OSBPL9: variants seen among roughly 807,000 people sequenced by gnomAD.
The protein encoded by OSBPL9 is oxysterol-binding protein-related protein 9.
Under a neutral mutation model 106.6 loss-of-function variants are expected in OSBPL9, and 40 were observed. That is an observed-to-expected ratio of 0.38 (90% CI 0.29 to 0.49). OSBPL9 has a LOEUF of 0.49. Among genes scored for constraint, OSBPL9 ranks in the 20% least tolerant of loss-of-function variants. The pLI is 0.97. For missense variants in OSBPL9, 609 were observed against 887.2 expected (o/e 0.69, Z 3.98); for synonymous variants, 269 against 295.4 (o/e 0.91, Z 0.92).
rs978573284 is a variant in OSBPL9 at position 51,754,395 on chromosome 1, C to T, written c.544-1925C>T. On this transcript the variant is annotated intron_variant, in intron 8 of 23. Coordinates refer to ENST00000428468, the MANE Select transcript of OSBPL9 (RefSeq NM_024586.6). ...CATGCGGTAAAACAGTATTTCAATA[C>T]AATTAAAATCAGGCACTTTAAATGG... Among the ~76,000 whole-genome samples the T allele has an allele frequency of 3.9e-5, 6 of 152,294 alleles. 1 individual carries two copies. The South Asian group carries it at 1.2e-3, about 32-fold the overall frequency.
intron 3 of OSBPL9, among the ~76,000 whole-genome samples, chr1:51,670,649 A>T (rs78076187): frequency 0.012 from 1,818 of 152,264 alleles, 38 homozygotes; most frequent in African/African-American, 0.042. Context: ...CTTCCACATA[A>T]CCTTAAAATA....
intron 4 of OSBPL9, among the ~76,000 whole-genome samples, chr1:51,731,678 G>A (rs1209761555): frequency 6.6e-6 from 1 of 151,684 alleles, no homozygotes; most frequent in Non-Finnish European, 1.5e-5. Flanking sequence ...TCGGGAGGCT[G>A]AGGCAGGAGA....
chr1:51,568,334 A>AAATTGTG, the OSBPL9 span, among the ~76,000 whole-genome samples: 1 of 152,198 alleles, frequency 6.6e-6, no homozygotes, highest in African/African-American at 2.4e-5. Context: ...TTAGCTGGGA[A>AAATTGTG]AATTGTGGCT....
the OSBPL9 span, among the ~76,000 whole-genome samples, chr1:51,554,431 G>A: frequency 6.6e-6 from 1 of 152,160 alleles, no homozygotes; most frequent in East Asian, 1.9e-4. Context: ...ACTCAAAATG[G>A]AAGGCAAAAC....
chr1:51,547,001 C>T, the OSBPL9 span, among the ~76,000 whole-genome samples: 1 of 152,202 alleles, frequency 6.6e-6, no homozygotes, highest in South Asian at 2.1e-4. Flanking sequence ...AATTAGAATG[C>T]TTGATAATGC....
chr1:51,685,125 A>C (rs1252344866), intron 3 of OSBPL9, among the ~76,000 whole-genome samples: 1 of 152,128 alleles, frequency 6.6e-6, no homozygotes, highest in Non-Finnish European at 1.5e-5. Context: ...TTCTAAAGAA[A>C]TATTTGAGTG....
At chr1:51,581,332 A>G (rs957872751) in intron 1 of OSBPL9, among the ~76,000 whole-genome samples, 2 of 152,166 alleles carry the variant, frequency 1.3e-5, no homozygotes, top group Non-Finnish European at 2.9e-5. Context: ...TCATCCCATC[A>G]TATTAATGGT....
the OSBPL9 span, among the ~76,000 whole-genome samples, chr1:51,547,711 G>A: frequency 6.6e-6 from 1 of 152,110 alleles, no homozygotes; most frequent in East Asian, 1.9e-4. Flanking sequence ...GGGCATGGTG[G>A]TGTGCAGCTG....
the OSBPL9 span, chr1:51,566,284 A>G: frequency 6.6e-6 from 1 of 152,260 alleles, no homozygotes; most frequent in African/African-American, 2.4e-5. Flanking sequence ...TCCTTCTCCT[A>G]TCTCCACAGC....
At chr1:51,781,916 G>A (rs1676474746) in intron 16 of OSBPL9, among the ~76,000 whole-genome samples, 1 of 152,116 alleles carries the variant, frequency 6.6e-6, no homozygotes, top group African/African-American at 2.4e-5. Context: ...TGTCAAGTAG[G>A]GAGATGGAAT....
At chr1:51,624,217 A>G (rs953224783) in intron 1 of OSBPL9, among the ~76,000 whole-genome samples, 5 of 152,144 alleles carry the variant, frequency 3.3e-5, no homozygotes, top group Non-Finnish European at 5.9e-5. Context: ...TTGCCTGGCT[A>G]TATGGTACAT....
the OSBPL9 span, among the ~76,000 whole-genome samples, chr1:51,522,942 A>G: frequency 6.6e-6 from 1 of 152,032 alleles, no homozygotes; most frequent in African/African-American, 2.4e-5. Flanking sequence ...AGTTGGTTTG[A>G]CAGATATATT....
intron 3 of OSBPL9, chr1:51,707,323 C>G (rs1436767657): frequency 5.3e-6 from 1 of 187,656 alleles, no homozygotes; most frequent in African/African-American, 2.4e-5. Flanking sequence ...TTCAGTATAG[C>G]TCAGGATGCC....
At chr1:51,530,713 T>A in the OSBPL9 span, among the ~76,000 whole-genome samples, 3 of 147,070 alleles carry the variant, frequency 2.0e-5, no homozygotes, top group African/African-American at 7.6e-5. Context: ...AAATTAAAAT[T>A]ATGGCCTGGC....
At chr1:51,598,181 G>C (rs1245425276) in exon 2 of OSBPL9, 1 of 152,250 alleles carries the variant, frequency 6.6e-6, no homozygotes, top group Non-Finnish European at 1.5e-5. Flanking sequence ...GTAAAGTCAA[G>C]ATACACAGCC....
At chr1:51,664,903 G>A (rs1447681336) in intron 2 of OSBPL9, among the ~76,000 whole-genome samples, 3 of 152,144 alleles carry the variant, frequency 2.0e-5, no homozygotes, top group African/African-American at 7.2e-5. Flanking sequence ...GATAGTATAT[G>A]TAAAATGCTT....
chr1:51,720,315 T>G (rs1213816124), intron 4 of OSBPL9, among the ~76,000 whole-genome samples: 1 of 151,902 alleles, frequency 6.6e-6, no homozygotes, highest in East Asian at 1.9e-4. Flanking sequence ...GACCTTTATG[T>G]TTCTTTCTTT....
chr1:51,704,577 C>T (rs1031547458), intron 3 of OSBPL9, among the ~76,000 whole-genome samples: 2 of 152,190 alleles, frequency 1.3e-5, no homozygotes, highest in African/African-American at 2.4e-5. Flanking sequence ...TTTATTTCCT[C>T]ACAGTTCTGG....
chr1:51,608,600 G>A (rs1257475331), intron 2 of OSBPL9, among the ~76,000 whole-genome samples: 1 of 151,466 alleles, frequency 6.6e-6, no homozygotes, highest in Non-Finnish European at 1.5e-5. Context: ...ACCACAACTG[G>A]CCTTCAATGA....
Sources: gnomAD v4.1 joint callset for allele counts (sites outside exome capture counted in the v4.1 genomes callset) on GRCh38, gnomAD v4.1.1 for gene constraint, MANE v1.5 for transcripts, NCBI Gene and HGNC (gene_info 2026-07-23, HGNC 2026-07-21) for gene names.